The following CHD1 variants were observed in gnomAD, a reference collection of about 807,000 sequenced individuals.
CHD1 encodes chromodomain helicase DNA binding protein 1.
CHD1 carries 36 observed loss-of-function variants against 224.2 expected under a neutral mutation model. The ratio of observed to expected loss-of-function variants is 0.16; its 90% CI spans 0.12 to 0.21. The LOEUF is 0.21. CHD1 is among the 10% of genes least tolerant of loss of function. The pLI is 1.00. For missense variants in CHD1, 1,378 were observed against 1,994.8 expected (o/e 0.69, Z 5.89); for synonymous variants, 668 against 658.3 (o/e 1.01, Z -0.23).
At chr5:98,899,987 C>T (rs1229920013) in intron 7 of CHD1, among the ~76,000 whole-genome samples, 2 of 151,994 alleles carry the variant, frequency 1.3e-5, no homozygotes, top group African/African-American at 4.8e-5. Context: ...ATATATGAAA[C>T]GTGGTCAGCT....
intron 34 of CHD1, chr5:98,858,632 T>G: frequency 6.5e-6 from 3 of 459,886 alleles, no homozygotes; most frequent in Non-Finnish European, 1.1e-5. Context: ...TTTCTCAGAC[T>G]ATACTTTTGT....
chr5:98,904,210 G>A (rs1281231159), intron 3 of CHD1, among the ~76,000 whole-genome samples: 1 of 152,114 alleles, frequency 6.6e-6, no homozygotes, highest in Non-Finnish European at 1.5e-5. Flanking sequence ...TTATCAGTGT[G>A]AGGTGAAGAG....
chr5:98,911,506 T>C (rs868411919), intron 2 of CHD1, among the ~76,000 whole-genome samples: 2 of 152,114 alleles, frequency 1.3e-5, no homozygotes, highest in African/African-American at 4.8e-5. Flanking sequence ...ATAATTTACA[T>C]AGACTCAAAG....
chr5:98,868,670 C>T (rs1343017573), intron 30 of CHD1, 35 bp from the exon 31 acceptor site: 7 of 1,508,172 alleles, frequency 4.6e-6, no homozygotes, highest in Non-Finnish European at 6.2e-6. Context: ...AAAAACAAAA[C>T]CCCAATAGCA....
At chr5:98,859,784 T>G (rs1748324629) in intron 33 of CHD1, among the ~76,000 whole-genome samples, 188 bp downstream of exon 33, 1 of 152,136 alleles carries the variant, frequency 6.6e-6, no homozygotes, top group Non-Finnish European at 1.5e-5. Flanking sequence ...ATATCCTGTT[T>G]TCTTGCCCAT....
Position 98,925,918 on chromosome 5 carries a change from T to G in CHD1, c.53+416A>C, listed in dbSNP as rs375377991. Among the ~76,000 whole-genome samples, 7 of 151,690 alleles carry G rather than the reference T, an allele frequency of 4.6e-5. No homozygotes were observed. In the East Asian group the frequency reaches 1.3e-3, roughly 29 times the overall value. On this transcript the variant is annotated intron_variant, in intron 2 of 35. Transcript: ENST00000614616. ...AGTTCAAATAGCCACATGTGGCTAGTGGTTACCACACTGGACAGTACAGGT... is the reference window on the plus strand; with the variant it reads ...AGTTCAAATAGCCACATGTGGCTAGGGGTTACCACACTGGACAGTACAGGT...
Position 98,901,432 on chromosome 5 carries a change from A to C in CHD1, c.438-97T>G, listed in dbSNP as rs1751705851. 5.4e-6 allele frequency: 5 copies of C among 925,542 alleles called. No individual in the cohort carries two copies. In the Admixed American group the frequency reaches 1.5e-4, roughly 28 times the overall value. 57.3% of individuals were successfully genotyped at this position (925,542 alleles called of 1,614,324 possible). ...TCAAATCAACCAAACTATATTCGCT[A>C]TCAAAAATACTGTTGCTTTTACTCA... On this transcript the variant is annotated intron_variant, in intron 5 of 35. Coordinates refer to ENST00000614616, the MANE Select transcript of CHD1 (RefSeq NM_001270.4).
In CHD1 at chr5:98,882,000, G is replaced by A. The variant is rs1405426884; in HGVS notation, c.2842C>T (p.Leu948=). ...CTTGATGGGGCAGAACCTGTATGTAGTACTGTCTTCCCAGTTGTGTCCATT... is the reference window on the plus strand; with the variant it reads ...CTTGATGGGGCAGAACCTGTATGTAATACTGTCTTCCCAGTTGTGTCCATT... ...QRMDTTGKTV[L]HTGSAPSSST... is the part of the protein sequence containing the mutation. Residue 948 remains leucine, a synonymous_variant, in exon 20 of 36, where the codon CTA becomes TTA. Coordinates refer to ENST00000614616, the MANE Select transcript of CHD1 (RefSeq NM_001270.4). 4.3e-6 allele frequency: 7 copies of A among 1,613,592 alleles called. No homozygotes were observed. In the African/African-American group the frequency reaches 9.3e-5, roughly 22 times the overall value.
At chr5:98,923,485 C>T (rs1753243122) in intron 2 of CHD1, among the ~76,000 whole-genome samples, 1 of 151,500 alleles carries the variant, frequency 6.6e-6, no homozygotes, top group Admixed American at 6.6e-5. Flanking sequence ...GCGCAATCTC[C>T]GGCTCACTGC....
At chr5:98,928,444 G>C (rs1446225607) in intron 1 of CHD1, 95 bp downstream of exon 1, 3 of 153,924 alleles carry the variant, frequency 1.9e-5, no homozygotes, top group African/African-American at 7.2e-5. Context: ...CGGCCGCTGG[G>C]CCGCCGCCTG....
Position 98,884,222 on chromosome 5 carries a change from C to T in CHD1, c.2569-985G>A, listed in dbSNP as rs554617516. On this transcript the variant is annotated intron_variant, in intron 18 of 35. Coordinates refer to ENST00000614616, the MANE Select transcript of CHD1 (RefSeq NM_001270.4). Reference sequence around the variant, plus strand: ...CCGAGTAGCTGGGACTACAGGCGCCCGCCACTACGCCCAGCTAATTTTTTT... The same window carrying T: ...CCGAGTAGCTGGGACTACAGGCGCCTGCCACTACGCCCAGCTAATTTTTTT... Among the ~76,000 whole-genome samples, 8 of 151,834 alleles carry T rather than the reference C, an allele frequency of 5.3e-5. No homozygotes were observed. In the South Asian group the frequency reaches 1.2e-3, roughly 24 times the overall value.
At chr5:98,888,276 A>C in intron 16 of CHD1, 36 bp from the exon 17 acceptor site, 1 of 1,512,922 alleles carries the variant, frequency 6.6e-7, no homozygotes, top group South Asian at 1.2e-5. Context: ...ATGTTAAAAG[A>C]CATAAATGGT....
In CHD1 at chr5:98,896,334, T is replaced by C. The variant is rs915017824; in HGVS notation, c.1602A>G (p.Leu534=). ...FHEHQLYGPF[L]LVVPLSTLTS... Reference sequence around the variant, plus strand: ...TAAGAGTGGAGAGCGGTACTACCAATAAAAAAGGTCCATATAATTGATGTT... The same window carrying C: ...TAAGAGTGGAGAGCGGTACTACCAACAAAAAAGGTCCATATAATTGATGTT... The change falls in exon 12 of 36, where the codon TTA becomes TTG. Residue 534 remains leucine, a synonymous_variant. Transcript: ENST00000614616. The C allele has an allele frequency of 1.2e-6, 2 of 1,613,682 alleles. No homozygotes were observed. The highest frequency in any genetic ancestry group is 8.5e-7 in the Non-Finnish European group (1 of 1,179,804).
chr5:98,884,142 C>T (rs246250), intron 18 of CHD1, among the ~76,000 whole-genome samples: 38,903 of 148,152 alleles, frequency 0.26, 5,480 homozygotes, highest in Middle Eastern at 0.34. Context: ...GGCGCGATCT[C>T]GGTTCACTGC....
chr5:98,858,727 C>G, intron 34 of CHD1: 3 of 423,300 alleles, frequency 7.1e-6, no homozygotes, highest in Non-Finnish European at 1.2e-5. Context: ...TCTACAATTT[C>G]TAGAAACTGA....
At chr5:98,890,563 C>CT (rs1386002509) in intron 15 of CHD1, among the ~76,000 whole-genome samples, 1 of 152,132 alleles carries the variant, frequency 6.6e-6, no homozygotes, top group Non-Finnish European at 1.5e-5. Context: ...TGATATATGA[C>CT]TAGCACTAAG....
chr5:98,917,781 ACAC>A (rs1327198940), intron 2 of CHD1, among the ~76,000 whole-genome samples: 7 of 152,308 alleles, frequency 4.6e-5, no homozygotes, highest in African/African-American at 1.2e-4. Context: ...CAATCTATCT[ACAC>A]CAAAGAAACT....
Position 98,899,699 on chromosome 5 carries a change from C to A in CHD1, c.866G>T (p.Gly289Val). ...DCRIGRKGATGATTTIYAVEA... is the reference protein window; with the variant it reads ...DCRIGRKGATVATTTIYAVEA... ...AACTGCATAGATGGTTGTAGTAGCA[C>A]CAGTAGCTGAAAACAAAAGCACAAG... The change falls in exon 8 of 36, where the codon GGT becomes GTT. Residue 289 changes from glycine to valine, a missense_variant. Gly to Val is a moderately radical substitution (Grantham distance 109). Coordinates refer to ENST00000614616, the MANE Select transcript of CHD1 (RefSeq NM_001270.4). The A allele has an allele frequency of 6.2e-7, 1 of 1,609,854 alleles. No homozygotes were observed. The highest frequency in any genetic ancestry group is 8.5e-7 in the Non-Finnish European group (1 of 1,177,764).
intron 20 of CHD1, among the ~76,000 whole-genome samples, chr5:98,881,750 T>C (rs903165044): frequency 3.9e-5 from 6 of 152,150 alleles, no homozygotes; most frequent in African/African-American, 1.2e-4. Flanking sequence ...AATAAGGAAC[T>C]TGAAGCATAG....
Sources: allele counts gnomAD v4.1 joint callset (sites outside exome capture counted in the v4.1 genomes callset), GRCh38; gene constraint gnomAD v4.1.1; transcripts MANE v1.5; gene names NCBI Gene and HGNC (gene_info 2026-07-23, HGNC 2026-07-21).